Variants in CDH20 observed in about 807,000 individuals in gnomAD.
CDH20 encodes cadherin-20.
CDH20 carries 29 observed loss-of-function variants against 74.2 expected under a neutral mutation model. The ratio of observed to expected loss-of-function variants is 0.39; its 90% CI spans 0.29 to 0.53. The LOEUF (loss-of-function observed/expected upper bound fraction) is 0.53, where lower values mean the gene tolerates loss of function less well. Among genes scored for constraint, CDH20 ranks in the 20% least tolerant of loss-of-function variants. The pLI is 0.69. For missense variants in CDH20, 988 were observed against 1,048.3 expected (o/e 0.94, Z 0.79); for synonymous variants, 469 against 405.4 (o/e 1.16, Z -1.88).
chr18:61,551,299 T>G (rs1913422466), intron 11 of CDH20, among the ~76,000 whole-genome samples: 2 of 152,182 alleles, frequency 1.3e-5, no homozygotes, highest in African/African-American at 4.8e-5. Flanking sequence ...ACAGATTTAG[T>G]AGATACTAGT....
At chr18:61,393,386 A>C (rs1316931380) in intron 1 of CDH20, among the ~76,000 whole-genome samples, 1 of 152,170 alleles carries the variant, frequency 6.6e-6, no homozygotes, top group Non-Finnish European at 1.5e-5. Context: ...TGGAATTGTC[A>C]ATGTTTATCT....
chr18:61,445,073 C>A (rs1032001088), intron 1 of CDH20, among the ~76,000 whole-genome samples: 1 of 152,036 alleles, frequency 6.6e-6, no homozygotes, highest in African/African-American at 2.4e-5. Flanking sequence ...TAATGCCTAC[C>A]ACCTTCTTAT....
chr18:61,552,550 G>A (rs1255386721), intron 11 of CDH20, among the ~76,000 whole-genome samples: 2 of 151,808 alleles, frequency 1.3e-5, no homozygotes. Context: ...CCAAAATACC[G>A]CCCCTACCAC....
chr18:61,412,500 A>T (rs1317334293), intron 1 of CDH20, among the ~76,000 whole-genome samples: 1 of 152,194 alleles, frequency 6.6e-6, no homozygotes, highest in Non-Finnish European at 1.5e-5. Flanking sequence ...GTACACAGAT[A>T]CATGTCCAAA....
chr18:61,549,892 A>ACCCTGC, intron 10 of CDH20, 86 bp from the exon 11 acceptor site: 1 of 1,404,146 alleles, frequency 7.1e-7, no homozygotes, highest in Non-Finnish European at 9.9e-7. Context: ...TCCTTCCTAC[A>ACCCTGC]CCCTGCCCCT....
chr18:61,481,101 C>A (rs1228071082), intron 1 of CDH20, among the ~76,000 whole-genome samples: 1 of 152,120 alleles, frequency 6.6e-6, no homozygotes. Context: ...TACTGAGCAC[C>A]TAGTATGTGC....
chr18:61,483,557 C>T (rs1374927196), intron 1 of CDH20, among the ~76,000 whole-genome samples: 1 of 152,214 alleles, frequency 6.6e-6, no homozygotes, highest in Non-Finnish European at 1.5e-5. Flanking sequence ...GCTGCTGCTG[C>T]TACACTATTA....
At position 61,550,222 on chromosome 18, in the gene CDH20, C is replaced by G. The variant is rs2144412059; in HGVS notation, c.1893C>G (p.Val631=). 6.2e-7 allele frequency: 1 copy of G among 1,613,098 alleles called. No individual in the cohort carries two copies. The highest frequency in any genetic ancestry group is 2.2e-5 in the East Asian group (1 of 44,860). The part of the protein sequence containing the change: ...ALIAILACIF[V]LLVLVLLILS... Reference sequence around the variant, plus strand: ...TTGCCATCCTCGCCTGCATCTTTGTCCTCTTAGGTGAGTAAGGGGCTGCTT... The same window carrying G: ...TTGCCATCCTCGCCTGCATCTTTGTGCTCTTAGGTGAGTAAGGGGCTGCTT... The change falls in exon 11 of 12, where the codon GTC becomes GTG. Residue 631 remains valine, a synonymous_variant. Transcript: ENST00000262717.
At chr18:61,542,017 A>G (rs1386262206) in intron 9 of CDH20, among the ~76,000 whole-genome samples, 4 of 152,184 alleles carry the variant, frequency 2.6e-5, no homozygotes, top group African/African-American at 9.7e-5. Context: ...GTAAGCAACC[A>G]GCTCTGTGCC....
chr18:61,392,366 ATATACAATCAG>A (rs1277554682), intron 1 of CDH20, among the ~76,000 whole-genome samples: 3 of 152,220 alleles, frequency 2.0e-5, no homozygotes, highest in South Asian at 4.1e-4. Context: ...GCTCCCTTTT[ATATACAATCAG>A]TATCTGCAGA....
intron 1 of CDH20, among the ~76,000 whole-genome samples, chr18:61,458,020 G>A (rs1224993426): frequency 6.6e-6 from 1 of 152,140 alleles, no homozygotes; most frequent in Non-Finnish European, 1.5e-5. Flanking sequence ...ACAGCATAAT[G>A]TGTGTGTTTA....
At chr18:61,512,159 A>T (rs1024186505) in intron 6 of CDH20, among the ~76,000 whole-genome samples, 3 of 152,154 alleles carry the variant, frequency 2.0e-5, no homozygotes, top group African/African-American at 7.2e-5. Context: ...GGTCTTCAGG[A>T]CCCCACACTG....
chr18:61,531,954 C>A (rs931889557), intron 7 of CDH20, among the ~76,000 whole-genome samples: 1 of 152,210 alleles, frequency 6.6e-6, no homozygotes, highest in African/African-American at 2.4e-5. Flanking sequence ...CCTATAAATA[C>A]CCTGTCTTGG....
chr18:61,428,479 A>G (rs1016573887), intron 1 of CDH20, among the ~76,000 whole-genome samples: 1 of 152,204 alleles, frequency 6.6e-6, no homozygotes, highest in African/African-American at 2.4e-5. Context: ...GCACAGCCAC[A>G]GATGGCTGCT....
At chr18:61,427,171 GTC>G (rs1913100869) in intron 1 of CDH20, among the ~76,000 whole-genome samples, 1 of 152,056 alleles carries the variant, frequency 6.6e-6, no homozygotes, top group Admixed American at 6.6e-5. Context: ...ACTTCCCTAA[GTC>G]TGTTTTTCAC....
chr18:61,453,054 T>C (rs1047538780), intron 1 of CDH20, among the ~76,000 whole-genome samples: 23 of 152,106 alleles, frequency 1.5e-4, no homozygotes, highest in Non-Finnish European at 3.1e-4. Context: ...GTAACTATAG[T>C]CCAACATCCC....
intron 1 of CDH20, among the ~76,000 whole-genome samples, chr18:61,412,565 G>A (rs918961189): frequency 2.6e-5 from 4 of 152,066 alleles, no homozygotes; most frequent in African/African-American, 7.2e-5. Flanking sequence ...AAAAAGAATA[G>A]TCCAACAACC....
intron 11 of CDH20, among the ~76,000 whole-genome samples, chr18:61,551,735 T>A (rs1539996): frequency 6.6e-6 from 1 of 152,030 alleles, no homozygotes; most frequent in Non-Finnish European, 1.5e-5. Context: ...CAGAAGTGGA[T>A]GACCTGTAAG....
intron 1 of CDH20, among the ~76,000 whole-genome samples, chr18:61,459,731 C>T (rs529835663): frequency 6.6e-5 from 10 of 152,232 alleles, no homozygotes; most frequent in South Asian, 2.1e-4. Context: ...CTTTCAAGTC[C>T]GAGAAACCCT....
Sources: gnomAD v4.1 joint callset for allele counts (sites outside exome capture counted in the v4.1 genomes callset) on GRCh38, gnomAD v4.1.1 for gene constraint, MANE v1.5 for transcripts, NCBI Gene and HGNC (gene_info 2026-07-23, HGNC 2026-07-21) for gene names.